The following CLVS1 variants were observed in gnomAD, a reference collection of about 807,000 sequenced individuals.
CLVS1 encodes the protein clavesin 1, also known as clavesin-1.
CLVS1 carries 10 observed loss-of-function variants against 33.1 expected under a neutral mutation model. The ratio of observed to expected loss-of-function variants is 0.30; its 90% CI spans 0.19 to 0.51. The LOEUF (loss-of-function observed/expected upper bound fraction) is 0.51. Among genes scored for constraint, CLVS1 ranks in the 20% least tolerant of loss-of-function variants. The probability of loss-of-function intolerance (pLI) is 0.97; values close to 1 mark genes in which losing one functional copy is unlikely to be tolerated. For missense variants in CLVS1, 343 were observed against 433.4 expected, an observed-to-expected ratio of 0.79 and a Z score of 1.85; for synonymous variants, 163 against 166.1, an observed-to-expected ratio of 0.98 and a Z score of 0.14.
chr8:61,262,184 A>G (rs1809219831), intron 2 of CLVS1, among the ~76,000 whole-genome samples: 1 of 152,052 alleles, frequency 6.6e-6, no homozygotes. Flanking sequence ...CTGGCTAATT[A>G]AAAAACAATT....
chr8:61,029,613 T>A, the CLVS1 span, among the ~76,000 whole-genome samples: 2,607 of 152,068 alleles, frequency 0.017, 73 homozygotes, highest in African/African-American at 0.059. Context: ...TTAATTTTTT[T>A]ATTATATTTA....
At chr8:61,408,206 T>C (rs1743190204) in intron 3 of CLVS1, among the ~76,000 whole-genome samples, 1 of 152,018 alleles carries the variant, frequency 6.6e-6, no homozygotes, top group South Asian at 2.1e-4. Flanking sequence ...CAGAGATTAG[T>C]GATAGCAAGA....
the CLVS1 span, among the ~76,000 whole-genome samples, chr8:60,996,937 T>C: frequency 6.6e-6 from 1 of 151,910 alleles, no homozygotes; most frequent in Non-Finnish European, 1.5e-5. Flanking sequence ...TTGGACTACA[T>C]GATTAAATGG....
At chr8:61,195,395 T>A (rs1585679792) in intron 2 of CLVS1, among the ~76,000 whole-genome samples, 1 of 152,122 alleles carries the variant, frequency 6.6e-6, no homozygotes, top group East Asian at 1.9e-4. Context: ...AAAGTTATTC[T>A]TACTAATAAA....
chr8:61,029,628 A>G, the CLVS1 span, among the ~76,000 whole-genome samples: 1 of 151,570 alleles, frequency 6.6e-6, no homozygotes, highest in African/African-American at 2.4e-5. Flanking sequence ...TATTTAAGTT[A>G]TGGGGTACAT....
chr8:61,359,385 T>TTGC (rs1310346712), intron 2 of CLVS1, among the ~76,000 whole-genome samples: 1 of 152,122 alleles, frequency 6.6e-6, no homozygotes, highest in African/African-American at 2.4e-5. Flanking sequence ...AGACAGAGTC[T>TTGC]TGCTGCGACC....
the CLVS1 span, among the ~76,000 whole-genome samples, chr8:60,992,216 T>C: frequency 6.6e-6 from 1 of 152,234 alleles, no homozygotes; most frequent in Non-Finnish European, 1.5e-5. Context: ...GTAAGAATTG[T>C]CTGACTTTAT....
chr8:61,056,940 C>A (rs1203086143), upstream of CLVS1, among the ~76,000 whole-genome samples: 1 of 152,180 alleles, frequency 6.6e-6, no homozygotes, highest in African/African-American at 2.4e-5. Context: ...GGGCCTTTGT[C>A]AGAATGGTGG....
upstream of CLVS1, among the ~76,000 whole-genome samples, chr8:61,286,934 A>G (rs1340549753): frequency 6.6e-6 from 1 of 152,212 alleles, no homozygotes; most frequent in Non-Finnish European, 1.5e-5. Flanking sequence ...ACAGTTTTCA[A>G]AAATATGTTT....
intron 1 of CLVS1, among the ~76,000 whole-genome samples, chr8:61,123,428 A>T (rs1805913540): frequency 6.6e-6 from 1 of 152,226 alleles, no homozygotes; most frequent in Admixed American, 6.5e-5. Flanking sequence ...GACCTGGGGA[A>T]AAAGAAGTTA....
intron 2 of CLVS1, among the ~76,000 whole-genome samples, chr8:61,254,197 T>A (rs1809019961): frequency 6.6e-6 from 1 of 152,192 alleles, no homozygotes; most frequent in African/African-American, 2.4e-5. Context: ...CCAGACCCTG[T>A]TTGCCTGGGT....
At chr8:61,320,784 A>C (rs576261352) in intron 2 of CLVS1, among the ~76,000 whole-genome samples, 1 of 152,180 alleles carries the variant, frequency 6.6e-6, no homozygotes, top group Non-Finnish European at 1.5e-5. Context: ...CAAAGGCTCC[A>C]CCTTCTAATT....
At chr8:61,188,498 C>T (rs933658052) in intron 2 of CLVS1, among the ~76,000 whole-genome samples, 1 of 107,818 alleles carries the variant, frequency 9.3e-6, no homozygotes, top group Non-Finnish European at 2.3e-5. Flanking sequence ...ACAGATTATG[C>T]TTAAATAAAT....
intron 3 of CLVS1, among the ~76,000 whole-genome samples, chr8:61,420,428 C>T (rs1815611730): frequency 6.6e-6 from 1 of 151,884 alleles, no homozygotes; most frequent in Non-Finnish European, 1.5e-5. Flanking sequence ...ATGGTGAAAC[C>T]CTGTCTGTAC....
At chr8:61,392,757 G>A (rs368141871) in intron 3 of CLVS1, among the ~76,000 whole-genome samples, 2 of 150,716 alleles carry the variant, frequency 1.3e-5, no homozygotes, top group East Asian at 2.0e-4. Flanking sequence ...CTACTCAGGA[G>A]CCTGAGGCAG....
intron 2 of CLVS1, among the ~76,000 whole-genome samples, chr8:61,170,473 A>G (rs1806972662): frequency 6.6e-6 from 1 of 152,252 alleles, no homozygotes; most frequent in African/African-American, 2.4e-5. Context: ...GATAACCAGA[A>G]ATGCCAATTA....
chr8:61,231,349 T>G (rs1488327492), intron 2 of CLVS1, among the ~76,000 whole-genome samples: 1 of 152,160 alleles, frequency 6.6e-6, no homozygotes, highest in Non-Finnish European at 1.5e-5. Context: ...GAGCAGTGAT[T>G]TTCAGCTCTG....
chr8:61,347,490 T>C (rs1812260466), intron 2 of CLVS1, among the ~76,000 whole-genome samples: 1 of 151,500 alleles, frequency 6.6e-6, no homozygotes, highest in African/African-American at 2.4e-5. Context: ...GGGATATTAA[T>C]ATATGTTGGT....
the CLVS1 span, among the ~76,000 whole-genome samples, chr8:60,991,907 C>T: frequency 6.6e-6 from 1 of 152,146 alleles, no homozygotes; most frequent in Admixed American, 6.5e-5. Context: ...TCACTGCACC[C>T]AGCTAATTTT....
Sources: allele counts gnomAD v4.1 joint callset (sites outside exome capture counted in the v4.1 genomes callset), GRCh38; gene constraint gnomAD v4.1.1; transcripts MANE v1.5; gene names NCBI Gene and HGNC (gene_info 2026-07-23, HGNC 2026-07-21).